NEDD4L: variants seen among roughly 807,000 people sequenced by gnomAD.
The protein encoded by NEDD4L is NEDD4 like E3 ubiquitin protein ligase, also known as E3 ubiquitin-protein ligase NEDD4-like.
Under a neutral mutation model 148.9 loss-of-function variants are expected in NEDD4L, and 54 were observed. The ratio of observed to expected loss-of-function variants is 0.36; its 90% CI spans 0.29 to 0.45. The LOEUF (loss-of-function observed/expected upper bound fraction) is 0.45, where lower values mean the gene tolerates loss of function less well. Among genes scored for constraint, NEDD4L ranks in the 20% least tolerant of loss-of-function variants. NEDD4L has a pLI of 1.00. For synonymous variants in NEDD4L, 433 were observed against 440.7 expected (o/e 0.98, Z 0.22); for missense variants, 856 against 1,233.8 (o/e 0.69, Z 4.59).
At chr18:58,313,284 T>G (rs1287709154) in intron 5 of NEDD4L, among the ~76,000 whole-genome samples, 1 of 152,220 alleles carries the variant, frequency 6.6e-6, no homozygotes, top group Non-Finnish European at 1.5e-5. Context: ...TTTAACATCA[T>G]GAGAAAACGT....
chr18:58,079,373 G>A lies in NEDD4L; in HGVS notation c.48+34665G>A, dbSNP rs564349679. 3.3e-5 allele frequency among the ~76,000 whole-genome samples: 5 copies of A among 152,286 alleles called. No homozygotes were observed. The South Asian group carries it at 8.3e-4, about 25-fold the overall frequency. On this transcript the variant is annotated intron_variant, in intron 1 of 30. Coordinates refer to ENST00000400345, the MANE Select transcript of NEDD4L (RefSeq NM_001144967.3). ...TAGTGATGGGCGTGGTAACAGCAGT[G>A]TTCATACGCTTCCTCAGTAATTTTA...
intron 2 of NEDD4L, among the ~76,000 whole-genome samples, chr18:58,179,019 G>A (rs1398696709): frequency 6.6e-6 from 1 of 152,158 alleles, no homozygotes; most frequent in Non-Finnish European, 1.5e-5. Flanking sequence ...GATAGTATTG[G>A]TTGTATATTA....
At chr18:58,309,485 G>A (rs1362281685) in intron 5 of NEDD4L, among the ~76,000 whole-genome samples, 4 of 152,110 alleles carry the variant, frequency 2.6e-5, no homozygotes, top group African/African-American at 9.7e-5. Flanking sequence ...TGTGGCTGCT[G>A]AGCACTTGAA....
chr18:58,167,666 C>T (rs983664161), intron 2 of NEDD4L, among the ~76,000 whole-genome samples: 2 of 152,008 alleles, frequency 1.3e-5, no homozygotes, highest in South Asian at 2.1e-4. Context: ...TGGGGACAGA[C>T]ATCTTTTTAA....
rs114649857 is a variant in NEDD4L at position 58,053,085 on chromosome 18, G to C, written c.48+8377G>C. On this transcript the variant is annotated intron_variant, in intron 1 of 30. Coordinates refer to ENST00000400345, the MANE Select transcript of NEDD4L (RefSeq NM_001144967.3). ...GGGAACTGTCCTCTTGCTGGTTTGG[G>C]TGATGTCCCATCACCTGTCACTTTG... is the stretch of plus-strand genomic sequence containing the variant. Among the ~76,000 whole-genome samples the C allele has an allele frequency of 2.8e-3, 426 of 152,286 alleles. 4 individuals are homozygous for C. Among genetic ancestry groups the C allele is most frequent in the African/African-American group, 9.7e-3 (403 of 41,564 alleles).
chr18:58,126,392 GT>G, intron 1 of NEDD4L, among the ~76,000 whole-genome samples: 1 of 152,340 alleles, frequency 6.6e-6, no homozygotes, highest in East Asian at 1.9e-4. Flanking sequence ...ATACTAGGGG[GT>G]CTTTTGCTTG....
At chr18:58,203,197 C>G (rs766996812) in intron 2 of NEDD4L, among the ~76,000 whole-genome samples, 3 of 152,134 alleles carry the variant, frequency 2.0e-5, no homozygotes, top group Non-Finnish European at 2.9e-5. Context: ...GAACTCCTGG[C>G]TTCAAGCCAT....
intron 5 of NEDD4L, among the ~76,000 whole-genome samples, chr18:58,273,721 G>A (rs923303113): frequency 6.6e-6 from 1 of 152,170 alleles, no homozygotes; most frequent in Non-Finnish European, 1.5e-5. Context: ...AACAAGTTGG[G>A]CAAATGCACT....
chr18:58,283,291 G>A (rs1434624639), intron 5 of NEDD4L, among the ~76,000 whole-genome samples: 1 of 152,098 alleles, frequency 6.6e-6, no homozygotes, highest in Non-Finnish European at 1.5e-5. Flanking sequence ...GGTCAGGCTG[G>A]TCTCAAACTC....
chr18:58,323,470 C>G lies in NEDD4L; in HGVS notation c.513+136C>G, dbSNP rs1047001170. The G allele has an allele frequency of 1.2e-5, 7 of 591,742 alleles. No individual in the cohort carries two copies. The African/African-American group carries it at 1.3e-4, about 11-fold the overall frequency. The allele number at this position is 591,742 out of a possible 1,614,324, so 36.7% of individuals were successfully genotyped here. ...AAAGTACATATGTCCGCAAATTGGT[C>G]ATTGATAGTCTACCAGTGCAGTTAT... On this transcript the variant is annotated intron_variant, in intron 8 of 30. Coordinates refer to ENST00000400345, the MANE Select transcript of NEDD4L (RefSeq NM_001144967.3).
chr18:58,131,324 C>G (rs1598993614), intron 1 of NEDD4L, among the ~76,000 whole-genome samples: 1 of 145,620 alleles, frequency 6.9e-6, no homozygotes, highest in South Asian at 2.2e-4. Flanking sequence ...GTTTTGGGCT[C>G]TGTTGGGATT....
chr18:58,239,181 T>C (rs1202965096), intron 2 of NEDD4L, among the ~76,000 whole-genome samples: 1 of 152,212 alleles, frequency 6.6e-6, no homozygotes, highest in Non-Finnish European at 1.5e-5. Flanking sequence ...TGCTGTGAAA[T>C]ATGCTGCATC....
intron 17 of NEDD4L, among the ~76,000 whole-genome samples, chr18:58,349,979 T>C (rs2043664029): frequency 6.6e-6 from 1 of 152,210 alleles, no homozygotes. Flanking sequence ...ACAAAAATAA[T>C]GAAAATAGTA....
chr18:58,273,514 G>A (rs1160730593), intron 5 of NEDD4L, among the ~76,000 whole-genome samples: 1 of 152,200 alleles, frequency 6.6e-6, no homozygotes, highest in African/African-American at 2.4e-5. Context: ...AGTCAGGAGT[G>A]TGTGTGAGGG....
intron 2 of NEDD4L, among the ~76,000 whole-genome samples, chr18:58,190,231 T>G (rs1177806092): frequency 6.6e-6 from 1 of 152,210 alleles, no homozygotes; most frequent in African/African-American, 2.4e-5. Flanking sequence ...CCTAAGGAAG[T>G]ATGAAGTTAT....
chr18:58,200,774 G>A (rs185060740), intron 2 of NEDD4L, among the ~76,000 whole-genome samples: 1 of 152,278 alleles, frequency 6.6e-6, no homozygotes, highest in East Asian at 1.9e-4. Flanking sequence ...TTCGCTACAG[G>A]TGGGCAGAGG....
At chr18:58,242,493 A>G (rs956439841) in intron 2 of NEDD4L, among the ~76,000 whole-genome samples, 3 of 151,892 alleles carry the variant, frequency 2.0e-5, no homozygotes, top group Admixed American at 6.6e-5. Context: ...TTATTTATGA[A>G]TGAATGAATG....
rs1032594802 is a variant in NEDD4L, at chr18:58,149,565, A to G, written c.49-16223A>G. On this transcript the variant is annotated intron_variant, in intron 1 of 30. Coordinates refer to ENST00000400345, the MANE Select transcript of NEDD4L (RefSeq NM_001144967.3). ...GACGTCTCGCATTTGAGCAGGTAAC[A>G]CTCGGTAAGACTTTGCTTGGTGGGG... 3 of 1,534,054 alleles carry G rather than the reference A, an allele frequency of 2.0e-6. No homozygotes were observed. In the African/African-American group the frequency reaches 4.1e-5, roughly 21 times the overall value.
At chr18:58,254,560 C>CAAA (rs71173040) in intron 5 of NEDD4L, among the ~76,000 whole-genome samples, 33,976 of 111,104 alleles carry the variant, frequency 0.31, 4,281 homozygotes, top group Middle Eastern at 0.37. Flanking sequence ...AAATTATTAC[C>CAAA]AAAAAAAAAA....
Sources: allele counts gnomAD v4.1 joint callset (sites outside exome capture counted in the v4.1 genomes callset), GRCh38; gene constraint gnomAD v4.1.1; transcripts MANE v1.5; gene names NCBI Gene and HGNC (gene_info 2026-07-23, HGNC 2026-07-21).